MFSD2B: variants seen among roughly 807,000 people sequenced by gnomAD.
MFSD2B encodes the protein MFSD2 lysolipid transporter B, sphingolipid.
A neutral mutation model predicts 58.4 loss-of-function variants in MFSD2B; 56 were observed. The observed-to-expected ratio is 0.96, with a 90% confidence interval of 0.77 to 1.20. The LOEUF (loss-of-function observed/expected upper bound fraction) is 1.20, where lower values mean the gene tolerates loss of function less well. Ranked by LOEUF, MFSD2B falls within the 50% of genes most tolerant of loss-of-function variation. The probability of loss-of-function intolerance (pLI) is 0.00; values close to 1 mark genes in which losing one functional copy is unlikely to be tolerated. For missense variants in MFSD2B, 645 were observed against 667.6 expected, an observed-to-expected ratio of 0.97 and a Z score of 0.37; for synonymous variants, 287 against 294.4, an observed-to-expected ratio of 0.97 and a Z score of 0.26.
In MFSD2B at chr2:24,021,531, G is replaced by A; in HGVS notation, c.682-117G>A. The A allele has an allele frequency of 3.4e-6, 3 of 892,780 alleles. No homozygotes were observed. The highest frequency in any genetic ancestry group is 3.3e-5 in the African/African-American group (2 of 60,752). 55.3% of individuals were successfully genotyped at this position (892,780 alleles called of 1,614,324 possible). A position where few individuals can be genotyped will look rare whatever the true frequency, so the allele number is the denominator to read the frequency against. On this transcript the variant is annotated intron_variant, in intron 6 of 13. Transcript: ENST00000338315. The surrounding 1 kb of genome is among the most constrained non-coding windows in gnomAD (Gnocchi z 5.7). ...TGGGAGGTGGGGACCCAGCGTCCTG[G>A]GCTTGGGTTGTGCCTCCCTCCGCTC... is the stretch of plus-strand genomic sequence containing the variant.
rs12989842 is a variant in MFSD2B at position 24,023,305 on chromosome 2, C to T, written c.1169+66C>T. The T allele has an allele frequency of 0.77, 1,020,806 of 1,333,330 alleles. 393,321 individuals are homozygous for T. The highest frequency in any genetic ancestry group is 0.87 in the East Asian group (38,030 of 43,556). 82.6% of individuals were successfully genotyped at this position (1,333,330 alleles called of 1,614,324 possible). Reference sequence around the variant, plus strand: ...TGTCACCTCCTTCATGTAAACCTGCCGTCCCAGGCCCCCTGCACCCAGCCT... The same window carrying T: ...TGTCACCTCCTTCATGTAAACCTGCTGTCCCAGGCCCCCTGCACCCAGCCT... On this transcript the variant is annotated intron_variant, in intron 11 of 13. Transcript: ENST00000338315. The surrounding 1 kb of genome is among the most constrained non-coding windows in gnomAD (Gnocchi z 5.0).
In MFSD2B at chr2:24,022,889, C is replaced by T. The variant is rs1223774459; in HGVS notation, c.1046C>T (p.Ala349Val). Reference protein sequence around the residue: ...VLQRFGKKTSAFGIFAMVPFA... With the variant: ...VLQRFGKKTSVFGIFAMVPFA... ...CAGCGCTTTGGGAAGAAGACGTCAGCCTTTGGGATCTTTGTGAGTGAGGCG... is the reference window on the plus strand; with the variant it reads ...CAGCGCTTTGGGAAGAAGACGTCAGTCTTTGGGATCTTTGTGAGTGAGGCG... The change falls in exon 10 of 14, where the codon GCC becomes GTC. Residue 349 changes from alanine (A) to valine (V), a missense_variant. Ala to Val is a moderately conservative substitution (Grantham distance 64). Coordinates refer to ENST00000338315, the MANE Select transcript of MFSD2B (RefSeq NM_001346880.2). The surrounding 1 kb of genome is among the most constrained non-coding windows in gnomAD (Gnocchi z 4.5). 4.3e-6 allele frequency: 7 copies of T among 1,610,840 alleles called. No homozygotes were observed. The Admixed American group carries it at 1.0e-4, about 23-fold the overall frequency.
chr2:24,023,758 A>G lies in MFSD2B; in HGVS notation c.1313+32A>G. On this transcript the variant is annotated intron_variant, in intron 12 of 13. Coordinates refer to ENST00000338315, the MANE Select transcript of MFSD2B (RefSeq NM_001346880.2). The surrounding 1 kb of genome is among the most constrained non-coding windows in gnomAD (Gnocchi z 5.0). ...CCCAGGGTTAGGATACAGCAGAGGC[A>G]CCAAGGACCAGTGGGCAGGAAGAGG... The G allele has an allele frequency of 6.2e-7, 1 of 1,608,316 alleles. No individual in the cohort carries two copies. The highest frequency in any genetic ancestry group is 1.1e-5 in the South Asian group (1 of 90,576).
Position 24,024,580 on chromosome 2 carries a change from C to T in MFSD2B, c.1490+309C>T, listed in dbSNP as rs1451005860. 6.6e-6 allele frequency among the ~76,000 whole-genome samples: 1 copy of T among 152,126 alleles called. No homozygotes were observed. Among genetic ancestry groups the T allele is most frequent in the African/African-American group, 2.4e-5 (1 of 41,434 alleles). On this transcript the variant is annotated intron_variant, in intron 13 of 13. Transcript: ENST00000338315. The surrounding 1 kb of genome is among the most constrained non-coding windows in gnomAD (Gnocchi z 4.3). ...CTAGCCTGACCCAACTCAGGCACTC[C>T]TTGTGCCTGGTGACTGCTAGAGCTG...
Position 24,023,625 on chromosome 2 carries a change from C to A in MFSD2B, c.1212C>A (p.His404Gln). The change falls in exon 12 of 14, where the codon CAC becomes CAA. Residue 404 changes from histidine (H) to glutamine (Q), a missense_variant. Coordinates refer to ENST00000338315, the MANE Select transcript of MFSD2B (RefSeq NM_001346880.2). This position sits in a 1 kb window ranked among gnomAD's most constrained non-coding sequence, Gnocchi z 5.0. ...TGGTGGATGACTTTCAGCTGCAGCA[C>A]CGTCACGGGCCAGGCCTGGAGACCA... ...PDVVDDFQLQ[H>Q]RHGPGLETIF... 6.2e-7 allele frequency: 1 copy of A among 1,613,984 alleles called. No individual in the cohort carries two copies. The highest frequency in any genetic ancestry group is 8.5e-7 in the Non-Finnish European group (1 of 1,179,856).
chr2:24,013,185 A>G, intron 1 of MFSD2B, 100 bp from the exon 2 acceptor site: 1 of 1,268,482 alleles, frequency 7.9e-7, no homozygotes, highest in South Asian at 2.2e-5. Context: ...AAAAGCCCTG[A>G]AGACATCACA....
chr2:24,020,958 G>A lies in MFSD2B; in HGVS notation c.682-690G>A, dbSNP rs969436856. The stretch of plus-strand genomic sequence containing the variant: ...GTCGCTTAGGCTGGAGTGCAGTACT[G>A]TGATCTCGGCTCACTGCAACCTCCA... On this transcript the variant is annotated intron_variant, in intron 6 of 13. Coordinates refer to ENST00000338315, the MANE Select transcript of MFSD2B (RefSeq NM_001346880.2). The surrounding 1 kb of genome is among the most constrained non-coding windows in gnomAD (Gnocchi z 4.1). Among the ~76,000 whole-genome samples, 2 of 151,982 alleles carry A rather than the reference G, an allele frequency of 1.3e-5. No individual in the cohort carries two copies. Among genetic ancestry groups the A allele is most frequent in the Non-Finnish European group, 2.9e-5 (2 of 68,012 alleles).
At position 24,023,836 on chromosome 2, in the gene MFSD2B, C is replaced by A; in HGVS notation, c.1313+110C>A. The A allele has an allele frequency of 3.0e-6, 4 of 1,341,900 alleles. No homozygotes were observed. The highest frequency in any genetic ancestry group is 2.0e-5 in the Admixed American group (1 of 49,756). The allele number at this position is 1,341,900 out of a possible 1,614,324, so 83.1% of individuals were successfully genotyped here. A position where few individuals can be genotyped will look rare whatever the true frequency, so the allele number is the denominator to read the frequency against. ...GGCATCCATGAGCCTGGGGCCTAAG[C>A]GCTACTCTTTGGAGAGTGTGGGGAA... On this transcript the variant is annotated intron_variant, in intron 12 of 13. Transcript: ENST00000338315. The surrounding 1 kb of genome is among the most constrained non-coding windows in gnomAD (Gnocchi z 5.0).
Position 24,012,179 on chromosome 2 carries a change from C to CAAAA in MFSD2B, c.97-1104_97-1101dup, listed in dbSNP as rs796645399. Among the ~76,000 whole-genome samples the CAAAA allele has an allele frequency of 2.8e-4, 41 of 148,202 alleles. No homozygotes were observed. In the South Asian group the frequency reaches 6.7e-3, roughly 24 times the overall value. ...ACACACACACACACACACACACACA[C>CAAAA]AAAAACAGACAAAAAAACCCTGCAA... On this transcript the variant is annotated intron_variant, in intron 1 of 13. Transcript: ENST00000338315. This position sits in a 1 kb window ranked among gnomAD's most constrained non-coding sequence, Gnocchi z 4.5.
rs1206724425 is a variant in MFSD2B, at chr2:24,023,963, C to A, written c.1314-132C>A. The A allele has an allele frequency of 7.9e-6, 8 of 1,013,218 alleles. No homozygotes were observed. Among genetic ancestry groups the A allele is most frequent in the Non-Finnish European group, 1.0e-5 (7 of 692,480 alleles). The allele number at this position is 1,013,218 out of a possible 1,614,324, so 62.8% of individuals were successfully genotyped here. ...AGGTCAGCCTGTCACCTTGACACTC[C>A]TCTCCTGATCTGACCAGGAAATGAA... On this transcript the variant is annotated intron_variant, in intron 12 of 13. Coordinates refer to ENST00000338315, the MANE Select transcript of MFSD2B (RefSeq NM_001346880.2). The surrounding 1 kb of genome is among the most constrained non-coding windows in gnomAD (Gnocchi z 5.0).
Position 24,021,876 on chromosome 2 carries a change from G to A in MFSD2B, c.800G>A (p.Gly267Asp), listed in dbSNP as rs762246600. 5 of 1,613,878 alleles carry A rather than the reference G, an allele frequency of 3.1e-6. No individual in the cohort carries two copies. Among genetic ancestry groups the A allele is most frequent in the Non-Finnish European group, 3.4e-6 (4 of 1,179,898 alleles). ...CCCTCTGCCCCAGCCTCAGGCCCAGGCTTGAGTTTCCTGGCTGGGCTGAGC... is the reference window on the plus strand; with the variant it reads ...CCCTCTGCCCCAGCCTCAGGCCCAGACTTGAGTTTCCTGGCTGGGCTGAGC... ...PDPSAPASGP[G>D]LSFLAGLSLT... Residue 267 changes from glycine (G) to aspartate (D), a missense_variant, in exon 8 of 14, where the codon GGC becomes GAC. Physicochemically the swap from Gly to Asp is moderately conservative, Grantham distance 94 (BLOSUM62 -1). Coordinates refer to ENST00000338315, the MANE Select transcript of MFSD2B (RefSeq NM_001346880.2). This position sits in a 1 kb window ranked among gnomAD's most constrained non-coding sequence, Gnocchi z 5.7.
chr2:24,021,539 T>G lies in MFSD2B; in HGVS notation c.682-109T>G. ...GGGGACCCAGCGTCCTGGGCTTGGGTTGTGCCTCCCTCCGCTCCCACTGGG... is the reference window on the plus strand; with the variant it reads ...GGGGACCCAGCGTCCTGGGCTTGGGGTGTGCCTCCCTCCGCTCCCACTGGG... On this transcript the variant is annotated intron_variant, in intron 6 of 13. Coordinates refer to ENST00000338315, the MANE Select transcript of MFSD2B (RefSeq NM_001346880.2). The surrounding 1 kb of genome is among the most constrained non-coding windows in gnomAD (Gnocchi z 5.7). The G allele has an allele frequency of 3.0e-6, 3 of 987,262 alleles. No individual in the cohort carries two copies. Among genetic ancestry groups the G allele is most frequent in the African/African-American group, 3.2e-5 (2 of 62,372 alleles). The allele number at this position is 987,262 out of a possible 1,614,324, so 61.2% of individuals were successfully genotyped here. A position where few individuals can be genotyped will look rare whatever the true frequency, so the allele number is the denominator to read the frequency against.
chr2:24,016,856 G>A lies in MFSD2B; in HGVS notation c.359G>A (p.Cys120Tyr). Reference sequence around the variant, plus strand: ...CTGTGCTTCCGCAGGGTGCTGGGCTGCACCCCCTTCATCGCCCTGGCCTAC... The same window carrying A: ...CTGTGCTTCCGCAGGGTGCTGGGCTACACCCCCTTCATCGCCCTGGCCTAC... ...SGRLMPWVLG[C>Y]TPFIALAYFF... The change falls in exon 4 of 14, where the codon TGC (cysteine) becomes TAC (tyrosine). Residue 120 changes from cysteine to tyrosine, a missense_variant. Coordinates refer to ENST00000338315, the MANE Select transcript of MFSD2B (RefSeq NM_001346880.2). 1 of 1,613,490 alleles carries A rather than the reference G, an allele frequency of 6.2e-7. No homozygotes were observed. Among genetic ancestry groups the A allele is most frequent in the Non-Finnish European group, 8.5e-7 (1 of 1,179,832 alleles).
Position 24,017,598 on chromosome 2 carries a change from C to G in MFSD2B, c.681+10C>G. 1 of 1,542,656 alleles carries G rather than the reference C, an allele frequency of 6.5e-7. No individual in the cohort carries two copies. Among genetic ancestry groups the G allele is most frequent in the South Asian group, 1.2e-5 (1 of 82,786 alleles). Reference sequence around the variant, plus strand: ...TGTCTCCCCGAATGCAGTAAGTGCACTGGGTGGCAAGGCCCCCCAACCTGG... The same window carrying G: ...TGTCTCCCCGAATGCAGTAAGTGCAGTGGGTGGCAAGGCCCCCCAACCTGG... On this transcript the variant is annotated intron_variant, in intron 6 of 13. Transcript: ENST00000338315. This position sits in a 1 kb window ranked among gnomAD's most constrained non-coding sequence, Gnocchi z 4.8.
Position 24,017,115 on chromosome 2 carries a change from G to C in MFSD2B, c.471+147G>C, listed in dbSNP as rs1303103795. ...CCATTGGCACTCGCCAGCCTTGCGC[G>C]GGACTGGCTGCCCCCTCCTGCCTTT... On this transcript the variant is annotated intron_variant, in intron 4 of 13. Transcript: ENST00000338315. The surrounding 1 kb of genome is among the most constrained non-coding windows in gnomAD (Gnocchi z 4.8). 2.9e-6 allele frequency: 4 copies of C among 1,357,748 alleles called. No individual in the cohort carries two copies. In the African/African-American group the frequency reaches 4.3e-5, roughly 15 times the overall value. The allele number at this position is 1,357,748 out of a possible 1,614,324, so 84.1% of individuals were successfully genotyped here.
rs1052450588 is a variant in MFSD2B at position 24,021,486 on chromosome 2, A to G, written c.682-162A>G. On this transcript the variant is annotated intron_variant, in intron 6 of 13. Transcript: ENST00000338315. The surrounding 1 kb of genome is among the most constrained non-coding windows in gnomAD (Gnocchi z 5.7). ...AAGGACCAGCCCGGGCCCGGAGAGC[A>G]TGCTGTCCTGTGGGGTGATTGGGAG... is the stretch of plus-strand genomic sequence containing the variant. 3 of 634,284 alleles carry G rather than the reference A, an allele frequency of 4.7e-6. No individual in the cohort carries two copies. The highest frequency in any genetic ancestry group is 1.9e-5 in the South Asian group (1 of 52,936). 39.3% of individuals were successfully genotyped at this position (634,284 alleles called of 1,614,324 possible). A position where few individuals can be genotyped will look rare whatever the true frequency, so the allele number is the denominator to read the frequency against.
At chr2:24,016,645 T>A (rs1368249849) in intron 3 of MFSD2B, among the ~76,000 whole-genome samples, 200 bp from the exon 4 acceptor site, 1 of 152,086 alleles carries the variant, frequency 6.6e-6, no homozygotes, top group East Asian at 1.9e-4. Context: ...CAGCTGGAGC[T>A]CCCACGAGGA....
At position 24,025,584 on chromosome 2, in the gene MFSD2B, C is replaced by G. The variant is rs1662953131; in HGVS notation, c.*128C>G. ...GACCTTTCTCCCTGGGATGTGGAGT[C>G]TTCGGCAACGTGTCCTGAAGGGACT... On this transcript the variant is annotated 3_prime_UTR_variant, in exon 14 of 14. Coordinates refer to ENST00000338315, the MANE Select transcript of MFSD2B (RefSeq NM_001346880.2). 1 of 855,858 alleles carries G rather than the reference C, an allele frequency of 1.2e-6. No homozygotes were observed. The allele number at this position is 855,858 out of a possible 1,614,324, so 53.0% of individuals were successfully genotyped here.
Position 24,021,386 on chromosome 2 carries a change from G to A in MFSD2B, c.682-262G>A, listed in dbSNP as rs1662777675. ...ATGTTTGCTTCATAGAATGTGGGAA[G>A]GAGCACTTTGGCTCCTGGGGCATGT... On this transcript the variant is annotated intron_variant, in intron 6 of 13. Transcript: ENST00000338315. This position sits in a 1 kb window ranked among gnomAD's most constrained non-coding sequence, Gnocchi z 5.7. Among the ~76,000 whole-genome samples the A allele has an allele frequency of 6.6e-6, 1 of 152,198 alleles. No homozygotes were observed. Among genetic ancestry groups the A allele is most frequent in the Admixed American group, 6.5e-5 (1 of 15,290 alleles).
Sources: allele counts gnomAD v4.1 joint callset (sites outside exome capture counted in the v4.1 genomes callset), GRCh38; gene constraint gnomAD v4.1.1; non-coding constraint Gnocchi (gnomAD v3.1); transcripts MANE v1.5; gene names NCBI Gene and HGNC (gene_info 2026-07-23, HGNC 2026-07-21).